The following OR9Q1 variants were observed in gnomAD, a reference collection of about 807,000 sequenced individuals.
OR9Q1 encodes the protein olfactory receptor family 9 subfamily Q member 1.
For missense variants in OR9Q1, 374 were observed against 378.8 expected (o/e 0.99, Z 0.11); for synonymous variants, 153 against 148.6 (o/e 1.03, Z -0.22).
chr11:58,159,706 CA>C (rs1854440328), intron 2 of OR9Q1, among the ~76,000 whole-genome samples: 1 of 152,164 alleles, frequency 6.6e-6, no homozygotes, highest in African/African-American at 2.4e-5. Context: ...CAGTCTAAAA[CA>C]ATTTGATAGT....
At chr11:58,152,756 T>C (rs757969519) in intron 2 of OR9Q1, among the ~76,000 whole-genome samples, 1 of 152,256 alleles carries the variant, frequency 6.6e-6, no homozygotes, top group African/African-American at 2.4e-5. Context: ...CTAGGTTTTC[T>C]ATTGATATTA....
chr11:58,061,851 T>C (rs1435545951), intron 2 of OR9Q1, among the ~76,000 whole-genome samples: 25 of 152,336 alleles, frequency 1.6e-4, no homozygotes, highest in Non-Finnish European at 1.5e-5. Context: ...ATCTGCTCTG[T>C]AGCTTCAGAA....
chr11:58,058,239 G>A (rs1853345853), intron 2 of OR9Q1, among the ~76,000 whole-genome samples: 1 of 152,214 alleles, frequency 6.6e-6, no homozygotes. Context: ...GGCTTTGGCT[G>A]CCAGGTAGGC....
At chr11:58,142,593 T>C (rs1011298793) in intron 2 of OR9Q1, among the ~76,000 whole-genome samples, 8 of 152,218 alleles carry the variant, frequency 5.3e-5, no homozygotes, top group Non-Finnish European at 5.9e-5. Flanking sequence ...GGTTTTACTT[T>C]ATTCTTTATC....
Position 58,180,436 on chromosome 11 carries a change from A to T in OR9Q1, c.*59A>T, listed in dbSNP as rs1854653568. ...CTACTCTGTAGTGTCAGAATTCTGG[A>T]CGCTCATTATTTATAGCATGCTCAA... On this transcript the variant is annotated 3_prime_UTR_variant, in exon 3 of 3. Coordinates refer to ENST00000335397, the MANE Select transcript of OR9Q1 (RefSeq NM_001005212.4). 2 of 1,065,874 alleles carry T rather than the reference A, an allele frequency of 1.9e-6. No individual in the cohort carries two copies. The highest frequency in any genetic ancestry group is 3.2e-5 in the African/African-American group (2 of 63,304). The allele number at this position is 1,065,874 out of a possible 1,614,324, so 66.0% of individuals were successfully genotyped here. A position where few individuals can be genotyped will look rare whatever the true frequency, so the allele number is the denominator to read the frequency against.
chr11:58,043,318 C>T (rs1174435320), intron 1 of OR9Q1, among the ~76,000 whole-genome samples: 1 of 152,172 alleles, frequency 6.6e-6, no homozygotes, highest in Non-Finnish European at 1.5e-5. Flanking sequence ...TTTGAAGAGA[C>T]TTCATCCAAA....
intron 2 of OR9Q1, among the ~76,000 whole-genome samples, chr11:58,096,530 T>C (rs1054718563): frequency 5.9e-5 from 9 of 152,168 alleles, no homozygotes; most frequent in Non-Finnish European, 1.0e-4. Context: ...GTTTTAATTT[T>C]TAGAGATGGA....
At chr11:58,163,018 G>C (rs1357127326) in intron 2 of OR9Q1, among the ~76,000 whole-genome samples, 1 of 152,144 alleles carries the variant, frequency 6.6e-6, no homozygotes, top group Non-Finnish European at 1.5e-5. Context: ...TTTACAGAGG[G>C]GTGAATCAGA....
chr11:58,158,140 G>T (rs1854424911), intron 2 of OR9Q1, among the ~76,000 whole-genome samples: 2 of 152,142 alleles, frequency 1.3e-5, no homozygotes, highest in South Asian at 4.1e-4. Context: ...GGGTATCAGG[G>T]TCCAACTCAG....
intron 2 of OR9Q1, among the ~76,000 whole-genome samples, chr11:58,164,124 A>G (rs1388237790): frequency 1.3e-5 from 2 of 152,102 alleles, no homozygotes; most frequent in African/African-American, 4.8e-5. Context: ...GACAGAGGAT[A>G]TTCCCCCACC....
At chr11:58,091,880 T>A (rs1449699072) in intron 2 of OR9Q1, among the ~76,000 whole-genome samples, 1 of 152,216 alleles carries the variant, frequency 6.6e-6, no homozygotes, top group Non-Finnish European at 1.5e-5. Flanking sequence ...CATTGATCCC[T>A]TTACCATTAT....
intron 1 of OR9Q1, among the ~76,000 whole-genome samples, chr11:58,038,664 A>T (rs190622120): frequency 9.8e-5 from 15 of 152,310 alleles, no homozygotes; most frequent in Non-Finnish European, 1.5e-5. Context: ...CTGGATCTAC[A>T]CTTTGAAATC....
rs538617540 is a variant in OR9Q1, at chr11:58,043,074, C to T, written c.-92-12796C>T. ...GAGACAATGGGGTTTTCTAGATATA[C>T]AATCATGTCGTCTGCAAATAGGGAC... On this transcript the variant is annotated intron_variant, in intron 1 of 2. Transcript: ENST00000335397. Among the ~76,000 whole-genome samples, 6 of 152,242 alleles carry T rather than the reference C, an allele frequency of 3.9e-5. No homozygotes were observed. In the South Asian group the frequency reaches 1.0e-3, roughly 26 times the overall value.
At chr11:58,155,037 C>G (rs188350957) in intron 2 of OR9Q1, among the ~76,000 whole-genome samples, 4 of 152,156 alleles carry the variant, frequency 2.6e-5, no homozygotes, top group African/African-American at 9.7e-5. Context: ...GCCTACCTAC[C>G]TACCTGTCTA....
chr11:58,153,000 GCACA>G (rs1466358899), intron 2 of OR9Q1, among the ~76,000 whole-genome samples: 1 of 152,214 alleles, frequency 6.6e-6, no homozygotes, highest in Non-Finnish European at 1.5e-5. Flanking sequence ...CTGGTGCCTG[GCACA>G]GAGCCTGCCA....
At chr11:58,150,079 C>G (rs1854335662) in intron 2 of OR9Q1, among the ~76,000 whole-genome samples, 1 of 152,142 alleles carries the variant, frequency 6.6e-6, no homozygotes, top group Non-Finnish European at 1.5e-5. Flanking sequence ...TTTTACATTC[C>G]CACTGGCAAT....
intron 2 of OR9Q1, among the ~76,000 whole-genome samples, chr11:58,095,778 A>G (rs903348501): frequency 3.9e-5 from 6 of 152,200 alleles, no homozygotes; most frequent in Admixed American, 3.9e-4. Flanking sequence ...GAATGGGGAC[A>G]CAAAGCCAAA....
intron 2 of OR9Q1, among the ~76,000 whole-genome samples, chr11:58,147,383 C>T (rs1427697888): frequency 1.3e-5 from 2 of 152,152 alleles, no homozygotes; most frequent in Non-Finnish European, 2.9e-5. Flanking sequence ...TAACCTCCTA[C>T]CCTGTGCCAG....
intron 1 of OR9Q1, among the ~76,000 whole-genome samples, chr11:58,042,261 G>A (rs1477406260): frequency 6.6e-6 from 1 of 152,090 alleles, no homozygotes; most frequent in African/African-American, 2.4e-5. Flanking sequence ...TTTTCTTCTA[G>A]GGTTTTTATG....
Sources: allele counts gnomAD v4.1 joint callset (sites outside exome capture counted in the v4.1 genomes callset), GRCh38; gene constraint gnomAD v4.1.1; transcripts MANE v1.5; gene names NCBI Gene and HGNC (gene_info 2026-07-23, HGNC 2026-07-21).